Variants in STXBP5L observed in about 807,000 individuals in gnomAD.
STXBP5L encodes syntaxin-binding protein 5-like.
STXBP5L carries 65 observed loss-of-function variants against 144.5 expected under a neutral mutation model. The observed-to-expected ratio is 0.45, with a 90% CI of 0.37 to 0.55. STXBP5L has a LOEUF of 0.55. Among genes scored for constraint, STXBP5L ranks in the 20% least tolerant of loss-of-function variants. The pLI is 0.00. For missense variants in STXBP5L, 1,298 were observed against 1,405.5 expected, an observed-to-expected ratio of 0.92 and a Z score of 1.22; for synonymous variants, 505 against 469.6, an observed-to-expected ratio of 1.08 and a Z score of -0.97.
At chr3:121,391,709 G>A (rs1333440455) in intron 22 of STXBP5L, among the ~76,000 whole-genome samples, 1 of 152,204 alleles carries the variant, frequency 6.6e-6, no homozygotes, top group Admixed American at 6.5e-5. Flanking sequence ...GGTATCACCA[G>A]CAGAAGCTGC....
chr3:121,338,878 C>T (rs755676006), intron 20 of STXBP5L, among the ~76,000 whole-genome samples: 1 of 152,146 alleles, frequency 6.6e-6, no homozygotes, highest in Admixed American at 6.6e-5. Context: ...AGACCAACAA[C>T]AAGCAGTGAG....
At chr3:121,237,181 G>A (rs1009255100) in intron 12 of STXBP5L, among the ~76,000 whole-genome samples, 31 of 152,234 alleles carry the variant, frequency 2.0e-4, no homozygotes, top group African/African-American at 7.0e-4. Context: ...GGGCACCCAG[G>A]CTTTTTGATA....
rs1264271936 is a variant in STXBP5L at position 121,209,672 on chromosome 3, A to G, written c.956+3671A>G. Among the ~76,000 whole-genome samples the G allele has an allele frequency of 2.6e-5, 4 of 151,990 alleles. No homozygotes were observed. The East Asian group carries it at 7.7e-4, about 29-fold the overall frequency. ...TGTTCAATTCCCACCTATGAATGAG[A>G]ACATGCAGTGTTTGGTTTTTTGTCC... On this transcript the variant is annotated intron_variant, in intron 10 of 26. Transcript: ENST00000471454.
intron 8 of STXBP5L, among the ~76,000 whole-genome samples, chr3:121,156,473 AG>A (rs1266611055): frequency 2.0e-5 from 3 of 151,958 alleles, no homozygotes; most frequent in Non-Finnish European, 4.4e-5. Context: ...TATAGTACTT[AG>A]TACTTTACCC....
intron 14 of STXBP5L, among the ~76,000 whole-genome samples, chr3:121,249,032 T>C (rs1042119079): frequency 1.3e-5 from 2 of 152,166 alleles, no homozygotes; most frequent in African/African-American, 4.8e-5. Context: ...ACCATGCTGT[T>C]TTGGTTACTG....
intron 3 of STXBP5L, among the ~76,000 whole-genome samples, chr3:120,979,251 G>A (rs1353160306): frequency 2.0e-5 from 3 of 152,220 alleles, no homozygotes; most frequent in Non-Finnish European, 4.4e-5. Flanking sequence ...CTGGGCAATG[G>A]CAGGTGCCCC....
chr3:120,977,028 TG>T (rs1367489271), intron 3 of STXBP5L, among the ~76,000 whole-genome samples: 2 of 152,182 alleles, frequency 1.3e-5, no homozygotes, highest in Non-Finnish European at 2.9e-5. Context: ...TCTGTTGATT[TG>T]GGGTGGAGAG....
At chr3:121,272,958 TAACAA>T (rs1296942590) in intron 18 of STXBP5L, among the ~76,000 whole-genome samples, 1 of 152,052 alleles carries the variant, frequency 6.6e-6, no homozygotes, top group Non-Finnish European at 1.5e-5. Flanking sequence ...GTGAATTTAT[TAACAA>T]AACAACAAAA....
At chr3:121,308,248 C>A (rs1208796006) in intron 19 of STXBP5L, among the ~76,000 whole-genome samples, 1 of 152,024 alleles carries the variant, frequency 6.6e-6, no homozygotes, top group East Asian at 1.9e-4. Context: ...CACATGTATC[C>A]CAGAACTTAA....
chr3:121,281,387 T>TACATTC (rs1305583697), intron 19 of STXBP5L, among the ~76,000 whole-genome samples: 1 of 152,008 alleles, frequency 6.6e-6, no homozygotes, highest in Non-Finnish European at 1.5e-5. Context: ...CAAGCAACTG[T>TACATTC]ACATTCACAT....
At chr3:120,937,039 G>A (rs1226617344) in intron 2 of STXBP5L, among the ~76,000 whole-genome samples, 1 of 152,092 alleles carries the variant, frequency 6.6e-6, no homozygotes, top group African/African-American at 2.4e-5. Flanking sequence ...GAGACAGGAA[G>A]GCTAGAGTTG....
rs1576228262 is a variant in STXBP5L, at chr3:121,343,555, G to A, written c.2176+25015G>A. ...GATAAGCAACTTCAGCAAAGTCTCA[G>A]GATACAAAATCAATGTACAAAAATC... On this transcript the variant is annotated intron_variant, in intron 20 of 26. Coordinates refer to ENST00000471454, the MANE Select transcript of STXBP5L (RefSeq NM_001308330.2). Among the ~76,000 whole-genome samples the A allele has an allele frequency of 6.6e-5, 10 of 152,172 alleles. No homozygotes were observed. The South Asian group carries it at 1.9e-3, about 28-fold the overall frequency.
At chr3:120,971,119 A>C (rs2107794685) in intron 3 of STXBP5L, among the ~76,000 whole-genome samples, 1 of 152,256 alleles carries the variant, frequency 6.6e-6, no homozygotes, top group South Asian at 2.1e-4. Context: ...GGGAGGTTCC[A>C]GATTGAGCAT....
At chr3:121,415,744 T>C in intron 24 of STXBP5L, 113 bp from the exon 25 acceptor site, 2 of 588,404 alleles carry the variant, frequency 3.4e-6, no homozygotes, top group Non-Finnish European at 5.6e-6. Flanking sequence ...TGAAAATATA[T>C]GAAAAGCAGA....
chr3:121,015,757 G>C (rs34650995), intron 3 of STXBP5L, among the ~76,000 whole-genome samples: 135 of 152,234 alleles, frequency 8.9e-4, no homozygotes, highest in Non-Finnish European at 1.8e-3. Flanking sequence ...GGCTTTACTA[G>C]AGCCTTATCC....
chr3:120,913,220 T>A (rs1559867629), intron 2 of STXBP5L, among the ~76,000 whole-genome samples: 1 of 151,938 alleles, frequency 6.6e-6, no homozygotes, highest in Admixed American at 6.6e-5. Flanking sequence ...AGCAAATAAT[T>A]TTTTTTTCTT....
chr3:121,334,255 T>C (rs1270037564), intron 20 of STXBP5L, among the ~76,000 whole-genome samples: 1 of 152,034 alleles, frequency 6.6e-6, no homozygotes, highest in African/African-American at 2.4e-5. Flanking sequence ...AACTGACTAA[T>C]ACACCTACCA....
At chr3:121,335,560 G>C (rs557920659) in intron 20 of STXBP5L, among the ~76,000 whole-genome samples, 2 of 152,154 alleles carry the variant, frequency 1.3e-5, no homozygotes, top group Admixed American at 6.5e-5. Context: ...ATACTACAGG[G>C]CTACAGTAAC....
chr3:121,220,703 C>T (rs549990824), intron 10 of STXBP5L, among the ~76,000 whole-genome samples: 2 of 152,102 alleles, frequency 1.3e-5, no homozygotes, highest in East Asian at 3.9e-4. Context: ...TCGACAACTA[C>T]CAAGTTGTAT....
Sources: allele counts gnomAD v4.1 joint callset (sites outside exome capture counted in the v4.1 genomes callset), GRCh38; gene constraint gnomAD v4.1.1; transcripts MANE v1.5; gene names NCBI Gene and HGNC (gene_info 2026-07-23, HGNC 2026-07-21).